ARPP21: variants seen among roughly 807,000 people sequenced by gnomAD.
The protein encoded by ARPP21 is cAMP regulated phosphoprotein 21.
ARPP21 carries 69 observed loss-of-function variants against 113.2 expected under a neutral mutation model. That is an observed-to-expected ratio of 0.61 (90% CI 0.50 to 0.74). The LOEUF (loss-of-function observed/expected upper bound fraction) is 0.74. ARPP21 is among the 30% of genes least tolerant of loss of function. The probability of loss-of-function intolerance (pLI) is 0.00; values close to 1 mark genes in which losing one functional copy is unlikely to be tolerated. For synonymous variants in ARPP21, 368 were observed against 375.5 expected, an observed-to-expected ratio of 0.98 and a Z score of 0.23; for missense variants, 1,070 against 1,037.4, an observed-to-expected ratio of 1.03 and a Z score of -0.43.
At chr3:35,743,698 A>T in intron 18 of ARPP21, 141 bp from the exon 19 acceptor site, 1 of 785,448 alleles carries the variant, frequency 1.3e-6, no homozygotes, top group African/African-American at 1.7e-5. Context: ...AGTAGCATGC[A>T]CATACACATA....
intron 19 of ARPP21, among the ~76,000 whole-genome samples, chr3:35,748,543 C>T (rs977852605): frequency 2.6e-5 from 4 of 152,002 alleles, no homozygotes; most frequent in Admixed American, 6.6e-5. Flanking sequence ...CAGTTATCAG[C>T]TTATGGCTTG....
At chr3:35,685,154 T>A (rs2080174224) in intron 5 of ARPP21, 1 of 985,328 alleles carries the variant, frequency 1.0e-6, no homozygotes, top group East Asian at 1.1e-4. Flanking sequence ...ATAGACTTAA[T>A]CTGCTTTTTG....
At chr3:35,652,272 T>C (rs1454888744) in intron 1 of ARPP21, among the ~76,000 whole-genome samples, 1 of 152,098 alleles carries the variant, frequency 6.6e-6, no homozygotes, top group Non-Finnish European at 1.5e-5. Context: ...GGGACTGTTA[T>C]CTAAGAACTA....
Position 35,687,851 on chromosome 3 carries a change from C to G in ARPP21, c.374C>G (p.Ser125Cys). The G allele has an allele frequency of 6.3e-7, 1 of 1,588,788 alleles. No homozygotes were observed. The highest frequency in any genetic ancestry group is 8.5e-7 in the Non-Finnish European group (1 of 1,171,194). Residue 125 changes from serine to cysteine, a missense_variant, in exon 6 of 21, where the codon TCT becomes TGT. Transcript: ENST00000684406. ...AAGGATAAAAACAAAGATAAAACCT[C>G]TGAAAAACCCAAGATCAGAATGTTA... The part of the protein sequence containing the change: ...KEKDKNKDKT[S>C]EKPKIRMLSK...
intron 13 of ARPP21, among the ~76,000 whole-genome samples, chr3:35,718,177 A>G (rs934388478): frequency 5.9e-5 from 9 of 152,200 alleles, no homozygotes; most frequent in Non-Finnish European, 8.8e-5. Flanking sequence ...TTGAGAAAGT[A>G]CATTTTCTGC....
At chr3:35,777,323 G>T (rs2096401788) in intron 19 of ARPP21, among the ~76,000 whole-genome samples, 3 of 152,128 alleles carry the variant, frequency 2.0e-5, no homozygotes, top group Admixed American at 2.0e-4. Flanking sequence ...CTTCACAAAA[G>T]CCCTGGGAAA....
chr3:35,649,707 T>C (rs1701643385), intron 1 of ARPP21, among the ~76,000 whole-genome samples: 1 of 152,024 alleles, frequency 6.6e-6, no homozygotes, highest in African/African-American at 2.4e-5. Flanking sequence ...AATTCAAGAC[T>C]TTCAGACCCC....
intron 19 of ARPP21, among the ~76,000 whole-genome samples, chr3:35,763,375 G>T (rs1039299103): frequency 1.3e-5 from 2 of 152,064 alleles, no homozygotes; most frequent in African/African-American, 2.4e-5. Flanking sequence ...TTGAAGTCCC[G>T]TGAGGACCAC....
intron 19 of ARPP21, among the ~76,000 whole-genome samples, chr3:35,763,213 C>T (rs1259935377): frequency 6.6e-6 from 1 of 152,048 alleles, no homozygotes; most frequent in Admixed American, 6.6e-5. Flanking sequence ...TCTTCAGGTG[C>T]GTTAAAACAC....
At chr3:35,665,893 C>T (rs1029527109) in intron 1 of ARPP21, among the ~76,000 whole-genome samples, 7 of 152,078 alleles carry the variant, frequency 4.6e-5, no homozygotes, top group Non-Finnish European at 1.0e-4. Flanking sequence ...GTATCCTGCT[C>T]ATTAATGGTT....
At chr3:35,758,079 A>G (rs1378893279) in intron 19 of ARPP21, among the ~76,000 whole-genome samples, 1 of 152,104 alleles carries the variant, frequency 6.6e-6, no homozygotes, top group Non-Finnish European at 1.5e-5. Context: ...TAGCAACACA[A>G]TTTTAATAGT....
chr3:35,686,788 T>C (rs567427850), intron 5 of ARPP21, among the ~76,000 whole-genome samples: 17 of 151,774 alleles, frequency 1.1e-4, no homozygotes, highest in South Asian at 1.0e-3. Flanking sequence ...GTTTTAATCA[T>C]AGCATAGGTT....
intron 1 of ARPP21, among the ~76,000 whole-genome samples, chr3:35,666,710 A>C (rs2074448416): frequency 6.6e-6 from 1 of 152,184 alleles, no homozygotes; most frequent in South Asian, 2.1e-4. Context: ...TTTTTTGATT[A>C]AATGGGTAAT....
intron 11 of ARPP21, among the ~76,000 whole-genome samples, chr3:35,709,717 G>A (rs1254619303): frequency 6.6e-6 from 1 of 152,112 alleles, no homozygotes; most frequent in Non-Finnish European, 1.5e-5. Flanking sequence ...AAAAAAAGTA[G>A]AGGCTGGATT....
intron 19 of ARPP21, among the ~76,000 whole-genome samples, chr3:35,745,494 A>G (rs1403720758): frequency 6.6e-6 from 1 of 152,156 alleles, no homozygotes; most frequent in Admixed American, 6.5e-5. Flanking sequence ...TTGTGTGGCA[A>G]TTTTTAAAGA....
At chr3:35,701,807 G>C (rs2086523157) in intron 9 of ARPP21, among the ~76,000 whole-genome samples, 2 of 151,082 alleles carry the variant, frequency 1.3e-5, no homozygotes, top group Admixed American at 1.3e-4. Context: ...TAGAAGCAGG[G>C]ATCATAATTA....
chr3:35,684,042 G>C (rs775328452), intron 5 of ARPP21: 1 of 1,599,370 alleles, frequency 6.3e-7, no homozygotes, highest in Non-Finnish European at 8.5e-7. Context: ...ACTGCAAATG[G>C]AAAGGAATTC....
At chr3:35,775,573 C>T (rs573320138) in intron 19 of ARPP21, among the ~76,000 whole-genome samples, 1 of 152,130 alleles carries the variant, frequency 6.6e-6, no homozygotes, top group South Asian at 2.1e-4. Flanking sequence ...AGAGCTATAG[C>T]CATTAACAGA....
chr3:35,790,429 C>T (rs575277060), intron 19 of ARPP21, among the ~76,000 whole-genome samples: 24 of 152,108 alleles, frequency 1.6e-4, no homozygotes, highest in Non-Finnish European at 2.5e-4. Context: ...GTAAAATAGC[C>T]ACAGAATTTT....
Sources: allele counts gnomAD v4.1 joint callset (sites outside exome capture counted in the v4.1 genomes callset), GRCh38; gene constraint gnomAD v4.1.1; transcripts MANE v1.5; gene names NCBI Gene and HGNC (gene_info 2026-07-23, HGNC 2026-07-21).